The following CYP1A2 variants were observed in gnomAD, a reference collection of about 807,000 sequenced individuals.
CYP1A2 encodes the protein cytochrome P450 1A2.
In CYP1A2, 35 loss-of-function variants were observed where a neutral mutation model predicts 34.7. That is an observed-to-expected ratio of 1.01 (90% confidence interval 0.77 to 1.34). The LOEUF is 1.34. Ranked by LOEUF, CYP1A2 falls within the 40% of genes most tolerant of loss-of-function variation. The pLI, the probability that CYP1A2 is intolerant of heterozygous loss-of-function variation, is 0.00. For synonymous variants in CYP1A2, 288 were observed against 281.9 expected, an observed-to-expected ratio of 1.02 and a Z score of -0.22; for missense variants, 675 against 675.8, an observed-to-expected ratio of 1.00 and a Z score of 0.01.
At position 74,751,970 on chromosome 15, in the gene CYP1A2, T is replaced by C. The variant is rs34440552; in HGVS notation, c.1042+116T>C. 8,060 of 1,492,676 alleles carry C rather than the reference T, an allele frequency of 5.4e-3. 38 individuals carry two copies. Among genetic ancestry groups the C allele is most frequent in the Non-Finnish European group, 6.8e-3 (7,406 of 1,092,212 alleles). The allele number at this position is 1,492,676 out of a possible 1,614,324, so 92.5% of individuals were successfully genotyped here. On this transcript the variant is annotated intron_variant, in intron 4 of 6. Coordinates refer to ENST00000343932, the MANE Select transcript of CYP1A2 (RefSeq NM_000761.5). ...TGTGCAAGCCCTGGGCACACAGTAGTGCCTGCCCTTGCCTAGAAGATGTGG... is the reference window on the plus strand; with the variant it reads ...TGTGCAAGCCCTGGGCACACAGTAGCGCCTGCCCTTGCCTAGAAGATGTGG...
At position 74,750,207 on chromosome 15, in the gene CYP1A2, T is replaced by C; in HGVS notation, c.469T>C (p.Ser157Pro). Residue 157 changes from serine to proline, a missense_variant, in exon 2 of 7, where the codon TCC becomes CCC. Physicochemically the swap from Ser to Pro is moderately conservative, Grantham distance 74 (BLOSUM62 -1). Coordinates refer to ENST00000343932, the MANE Select transcript of CYP1A2 (RefSeq NM_000761.5). ...FSIASDPASS[S>P]SCYLEEHVSK... ...CATCGCCTCTGACCCAGCTTCCTCA[T>C]CCTCCTGCTACCTGGAGGAGCATGT... The C allele has an allele frequency of 6.2e-7, 1 of 1,614,098 alleles. No homozygotes were observed. Among genetic ancestry groups the C allele is most frequent in the Non-Finnish European group, 8.5e-7 (1 of 1,180,022 alleles).
At position 74,750,534 on chromosome 15, in the gene CYP1A2, A is replaced by C. The variant is rs1172740473; in HGVS notation, c.796A>C (p.Lys266Gln). The change falls in exon 2 of 7, where the codon AAA becomes CAA. Residue 266 changes from lysine (K) to glutamine (Q), a missense_variant. Lys to Gln is a moderately conservative substitution (Grantham distance 53). Transcript: ENST00000343932. ...FNQRFLWFLQKTVQEHYQDFD... is the reference protein window; with the variant it reads ...FNQRFLWFLQQTVQEHYQDFD... Reference sequence around the variant, plus strand: ...CCAGAGGTTCCTGTGGTTCCTGCAGAAAACAGTCCAGGAGCACTATCAGGA... The same window carrying C: ...CCAGAGGTTCCTGTGGTTCCTGCAGCAAACAGTCCAGGAGCACTATCAGGA... 3 of 1,613,958 alleles carry C rather than the reference A, an allele frequency of 1.9e-6. No individual in the cohort carries two copies. Among genetic ancestry groups the C allele is most frequent in the Non-Finnish European group, 2.5e-6 (3 of 1,180,012 alleles).
rs145557631 is a variant in CYP1A2 at position 74,754,820 on chromosome 15, G to A, written c.1283G>A (p.Arg428Gln). The change falls in exon 7 of 7, where the codon CGG becomes CAG. Residue 428 changes from arginine to glutamine, a missense_variant. Arg to Gln is a conservative substitution (Grantham distance 43). Transcript: ENST00000343932. ...CTGTGGGAGGACCCCTCTGAGTTCC[G>A]GCCTGAGCGGTTCCTCACCGCCGAT... ...PELWEDPSEF[R>Q]PERFLTADGT... The A allele has an allele frequency of 2.0e-5, 33 of 1,613,786 alleles. No homozygotes were observed. The highest frequency in any genetic ancestry group is 1.6e-4 in the African/African-American group (12 of 74,888).
chr15:74,749,869 A>G lies in CYP1A2; in HGVS notation c.131A>G (p.Glu44Gly). ...CCCAAAGGCCTGAAAAGTCCACCAGAGCCATGGGGCTGGCCCTTGCTCGGG... is the reference window on the plus strand; with the variant it reads ...CCCAAAGGCCTGAAAAGTCCACCAGGGCCATGGGGCTGGCCCTTGCTCGGG... ...RVPKGLKSPP[E>G]PWGWPLLGHV... Residue 44 changes from glutamate to glycine, a missense_variant, in exon 2 of 7, where the codon GAG becomes GGG. Glu to Gly is a moderately conservative substitution (Grantham distance 98, BLOSUM62 -2). Transcript: ENST00000343932. The G allele has an allele frequency of 6.2e-7, 1 of 1,608,178 alleles. No homozygotes were observed. Among genetic ancestry groups the G allele is most frequent in the Non-Finnish European group, 8.5e-7 (1 of 1,175,484 alleles).
chr15:74,755,981 T>C lies in CYP1A2; in HGVS notation c.*893T>C, dbSNP rs2141743238. The C allele has an allele frequency of 6.6e-6, 1 of 151,778 alleles. No individual in the cohort carries two copies. Among genetic ancestry groups the C allele is most frequent in the East Asian group, 1.9e-4 (1 of 5,164 alleles). The allele number at this position is 151,778 out of a possible 1,614,324, so 9.4% of individuals were successfully genotyped here. On this transcript the variant is annotated 3_prime_UTR_variant, in exon 7 of 7. Coordinates refer to ENST00000343932, the MANE Select transcript of CYP1A2 (RefSeq NM_000761.5). ...ATAGGCATGCGCCACCATGGCCAGC[T>C]AATTTTTGTATTTTTAGTAGAGACG...
Position 74,751,252 on chromosome 15 carries a change from G to C in CYP1A2, c.895G>C (p.Gly299Arg). 1 of 1,614,114 alleles carries C rather than the reference G, an allele frequency of 6.2e-7. No homozygotes were observed. ...KHSKKGPRAS[G>R]NLIPQEKIVN... ...CAGCAAGAAGGGGCCTAGAGCCAGC[G>C]GCAACCTCATCCCACAGGAGAAGAT... The change falls in exon 3 of 7, where the codon GGC becomes CGC. Residue 299 changes from glycine to arginine, a missense_variant. By Grantham distance (125) the Gly-to-Arg change is moderately radical. Transcript: ENST00000343932.
rs560690067 is a variant in CYP1A2 at position 74,750,032 on chromosome 15, G to C, written c.294G>C (p.Leu98=). The change falls in exon 2 of 7, where the codon CTG becomes CTC. Residue 98 remains leucine (L), a synonymous_variant. Transcript: ENST00000343932. ...LSRLDTIRQA[L]VRQGDDFKGR... ...GCCTGGACACCATCCGGCAGGCCCT[G>C]GTGCGGCAGGGCGACGATTTCAAGG... The C allele has an allele frequency of 6.2e-7, 1 of 1,614,056 alleles. No individual in the cohort carries two copies. Among genetic ancestry groups the C allele is most frequent in the South Asian group, 1.1e-5 (1 of 91,072 alleles).
intron 3 of CYP1A2, 116 bp from the exon 4 acceptor site, chr15:74,751,649 C>T: frequency 2.8e-6 from 3 of 1,082,166 alleles, no homozygotes; most frequent in Non-Finnish European, 4.1e-6. Context: ...TCAGGAAACT[C>T]ACAGGCTAGG....
At chr15:74,749,301 C>G (rs1047230560) in intron 1 of CYP1A2, among the ~76,000 whole-genome samples, 1 of 152,216 alleles carries the variant, frequency 6.6e-6, no homozygotes, top group African/African-American at 2.4e-5. Flanking sequence ...GTAGGGGGAA[C>G]TCCTGGTCCC....
In CYP1A2 at chr15:74,749,260, C is replaced by A. The variant is rs368142304; in HGVS notation, c.-10+363C>A. Among the ~76,000 whole-genome samples the A allele has an allele frequency of 7.2e-5, 11 of 152,246 alleles. No individual in the cohort carries two copies. The East Asian group carries it at 1.2e-3, about 16-fold the overall frequency. ...GGCATCACAGGCTATTTGAACCAGC[C>A]CTGGGACCTTGGCCACCTCAGTGTC... On this transcript the variant is annotated intron_variant, in intron 1 of 6. Coordinates refer to ENST00000343932, the MANE Select transcript of CYP1A2 (RefSeq NM_000761.5).
At chr15:74,752,077 GC>G in intron 4 of CYP1A2, 46 bp from the exon 5 acceptor site, 1 of 1,609,378 alleles carries the variant, frequency 6.2e-7, no homozygotes, top group East Asian at 2.2e-5. Flanking sequence ...AATTCATGGG[GC>G]AGTTAGGGCA....
rs202049371 is a variant in CYP1A2, at chr15:74,755,368, AAC to A, written c.*282_*283del. On this transcript the variant is annotated 3_prime_UTR_variant, in exon 7 of 7. Transcript: ENST00000343932. ...CCCATCTCAAAAAAAAAAACAAACA[AAC>A]AAAAAAAAAACCATATATATACATA... The A allele has an allele frequency of 4.1e-4, 110 of 267,720 alleles. 1 individual carries two copies. The highest frequency in any genetic ancestry group is 2.6e-3 in the Admixed American group (47 of 17,908). 16.6% of individuals were successfully genotyped at this position (267,720 alleles called of 1,614,324 possible).
At position 74,752,243 on chromosome 15, in the gene CYP1A2, C is replaced by T. The variant is rs557412265; in HGVS notation, c.1162C>T (p.His388Tyr). ...CTCCTTCTTGCCCTTCACCATCCCC[C>T]ACAGGTGAGGCCTGCCGGTTCTGCC... ...HSSFLPFTIP[H>Y]STTRDTTLNG... Residue 388 changes from histidine to tyrosine, a missense_variant, in exon 5 of 7, where the codon CAC becomes TAC. By Grantham distance (83) the His-to-Tyr change is moderately conservative (BLOSUM62 2). Transcript: ENST00000343932. 23 of 1,613,886 alleles carry T rather than the reference C, an allele frequency of 1.4e-5. No individual in the cohort carries two copies. In the East Asian group the frequency reaches 4.5e-4, roughly 31 times the overall value.
rs2470890 is a variant in CYP1A2 at position 74,755,085 on chromosome 15, T to C, written c.1548T>C (p.Asn516=). 687,562 of 1,602,572 alleles carry C rather than the reference T, an allele frequency of 0.43. 173,535 individuals carry two copies. Among genetic ancestry groups the C allele is most frequent in the African/African-American group, 0.89 (66,908 of 74,866 alleles). ...AGGCGCGGCTGCGCTTCTCCATCAA[T>C]TGAAGAAGACACCACCATTCTGAGG... ...HVQARLRFSI[N] The change falls in exon 7 of 7, where the codon AAT becomes AAC. Residue 516 remains asparagine, a synonymous_variant. Transcript: ENST00000343932.
Position 74,749,995 on chromosome 15 carries a change from T to C in CYP1A2, c.257T>C (p.Leu86Pro), listed in dbSNP as rs753232890. The change falls in exon 2 of 7, where the codon CTG becomes CCG. Residue 86 changes from leucine (L) to proline (P), a missense_variant. By Grantham distance (98) the Leu-to-Pro change is moderately conservative. Transcript: ENST00000343932. The stretch of plus-strand genomic sequence containing the variant: ...ATCCGCATTGGCTCCACGCCCGTGC[T>C]GGTGCTGAGCCGCCTGGACACCATC... ...LQIRIGSTPV[L>P]VLSRLDTIRQ... is the part of the protein sequence containing the mutation. 7 of 1,614,094 alleles carry C rather than the reference T, an allele frequency of 4.3e-6. No homozygotes were observed. The South Asian group carries it at 6.6e-5, about 15-fold the overall frequency.
Position 74,756,457 on chromosome 15 carries a change from A to C in CYP1A2, c.*1369A>C, listed in dbSNP as rs752682130. Among the ~76,000 whole-genome samples, 14 of 152,068 alleles carry C rather than the reference A, an allele frequency of 9.2e-5. No individual in the cohort carries two copies. The highest frequency in any genetic ancestry group is 1.8e-4 in the Non-Finnish European group (12 of 68,000). ...AGAACATTTTCATCACCCCTAAAAG[A>C]AACCCTGCACCCATTAGCAGTCCCT... On this transcript the variant is annotated 3_prime_UTR_variant, in exon 7 of 7. Coordinates refer to ENST00000343932, the MANE Select transcript of CYP1A2 (RefSeq NM_000761.5).
intron 5 of CYP1A2, among the ~76,000 whole-genome samples, chr15:74,752,719 C>T (rs1261061904): frequency 1.3e-5 from 2 of 152,096 alleles, no homozygotes; most frequent in Non-Finnish European, 2.9e-5. Flanking sequence ...CAGCCATCAG[C>T]CCTTGATCAT....
At position 74,753,206 on chromosome 15, in the gene CYP1A2, A is replaced by C; in HGVS notation, c.1189A>C (p.Asn397His). The C allele has an allele frequency of 1.2e-6, 2 of 1,613,778 alleles. No homozygotes were observed. Among genetic ancestry groups the C allele is most frequent in the African/African-American group, 2.7e-5 (2 of 74,992 alleles). The change falls in exon 6 of 7, where the codon AAT becomes CAT. Residue 397 changes from asparagine (N) to histidine (H), a missense_variant. Transcript: ENST00000343932. ...CAGCACAACAAGGGACACAACGCTG[A>C]ATGGCTTCTACATCCCCAAGAAATG... ...PHSTTRDTTL[N>H]GFYIPKKCCV...
In CYP1A2 at chr15:74,750,157, C is replaced by T; in HGVS notation, c.419C>T (p.Ala140Val). The T allele has an allele frequency of 6.2e-7, 1 of 1,614,098 alleles. No homozygotes were observed. The highest frequency in any genetic ancestry group is 8.5e-7 in the Non-Finnish European group (1 of 1,180,032). Residue 140 changes from alanine to valine, a missense_variant, in exon 2 of 7, where the codon GCC (alanine) becomes GTC (valine). Physicochemically the swap from Ala to Val is moderately conservative, Grantham distance 64 (BLOSUM62 0). Transcript: ENST00000343932. ...GTGTGGGCTGCCCGCCGGCGCCTGG[C>T]CCAGAATGCCCTCAACACCTTCTCC... ...GPVWAARRRL[A>V]QNALNTFSIA... is the part of the protein sequence containing the mutation.
Sources: allele counts gnomAD v4.1 joint callset (sites outside exome capture counted in the v4.1 genomes callset), GRCh38; gene constraint gnomAD v4.1.1; transcripts MANE v1.5; gene names NCBI Gene and HGNC (gene_info 2026-07-23, HGNC 2026-07-21).